Variants in ENTPD5 observed in about 807,000 individuals in gnomAD.
ENTPD5 encodes the protein nucleoside diphosphate phosphatase ENTPD5.
ENTPD5 carries 49 observed loss-of-function variants against 60.2 expected under a neutral mutation model. That is an observed-to-expected ratio of 0.81 (90% CI 0.65 to 1.03). The LOEUF (loss-of-function observed/expected upper bound fraction) is 1.03, where lower values mean the gene tolerates loss of function less well. Ranked by LOEUF, ENTPD5 falls within the 50% of genes least tolerant of loss-of-function variation. The pLI, the probability that ENTPD5 is intolerant of heterozygous loss-of-function variation, is 0.00. For synonymous variants in ENTPD5, 187 were observed against 185.4 expected (o/e 1.01, Z -0.07); for missense variants, 480 against 507.6 (o/e 0.95, Z 0.52).
intron 1 of ENTPD5, among the ~76,000 whole-genome samples, chr14:74,016,449 C>A (rs2059019795): frequency 6.6e-6 from 1 of 152,160 alleles, no homozygotes; most frequent in South Asian, 2.1e-4. Context: ...CCAGCCTAGG[C>A]AACATGGCAA....
intron 2 of ENTPD5, among the ~76,000 whole-genome samples, chr14:74,011,631 T>TTA (rs2058848747): frequency 1.3e-5 from 2 of 152,092 alleles, no homozygotes; most frequent in African/African-American, 2.4e-5. Context: ...ACTCCATCTC[T>TTA]ACAAAATATA....
intron 2 of ENTPD5, among the ~76,000 whole-genome samples, chr14:74,015,580 T>C (rs1315431047): frequency 6.6e-6 from 1 of 152,028 alleles, no homozygotes. Context: ...CTTGAACTCC[T>C]GGGCTTAAGC....
chr14:73,963,054 AC>A, downstream of ENTPD5: 4 of 1,273,440 alleles, frequency 3.1e-6, no homozygotes, highest in South Asian at 4.8e-5. Flanking sequence ...CCTGCCCAGG[AC>A]CCATCATACA....
downstream of ENTPD5, chr14:73,955,595 T>C (rs2056395311): frequency 3.6e-6 from 5 of 1,406,334 alleles, no homozygotes; most frequent in East Asian, 4.6e-5. Flanking sequence ...GTTCTGTGAA[T>C]GTAGGAGGAA....
intron 8 of ENTPD5, 80 bp from the exon 9 acceptor site, chr14:73,976,492 C>T (rs2057451229): frequency 8.9e-7 from 1 of 1,121,476 alleles, no homozygotes; most frequent in Admixed American, 1.8e-5. Context: ...TTATCATACA[C>T]TGAAGGTATT....
chr14:73,996,198 G>A (rs2058338241), intron 3 of ENTPD5: 17 of 985,126 alleles, frequency 1.7e-5, no homozygotes, highest in African/African-American at 5.3e-5. Context: ...TTAATCAAGC[G>A]AGCCTCATGA....
downstream of ENTPD5, chr14:73,962,953 T>TTTTA: frequency 1.9e-6 from 3 of 1,594,562 alleles, no homozygotes; most frequent in Non-Finnish European, 2.6e-6. Context: ...TTTCATTCAC[T>TTTTA]TTTATTTTTT....
intron 2 of ENTPD5, among the ~76,000 whole-genome samples, chr14:74,012,248 G>A (rs1407420327): frequency 2.0e-5 from 3 of 151,778 alleles, no homozygotes; most frequent in African/African-American, 4.8e-5. Flanking sequence ...GGGATTACAC[G>A]TGCCCACCAC....
At chr14:74,006,260 C>T in intron 3 of ENTPD5, among the ~76,000 whole-genome samples, 1 of 150,278 alleles carries the variant, frequency 6.7e-6, no homozygotes, top group East Asian at 1.9e-4. Context: ...GCTGGGATTA[C>T]AGGCATTAGC....
rs1179935278 is a variant in ENTPD5, at chr14:73,986,834, A to C, written c.277T>G (p.Phe93Val). 6.2e-7 allele frequency: 1 copy of C among 1,613,952 alleles called. No individual in the cohort carries two copies. Among genetic ancestry groups the C allele is most frequent in the African/African-American group, 1.3e-5 (1 of 74,928 alleles). Residue 93 changes from phenylalanine to valine, a missense_variant, in exon 5 of 16, where the codon TTT (phenylalanine) becomes GTT (valine). Coordinates refer to ENST00000334696, the MANE Select transcript of ENTPD5 (RefSeq NM_001249.5). ...CTCACCTGCTTAGGTTGATCTACAA[A>C]AGCAGAAAGTCCTGGCTTCACAGAA... ...FDSVKPGLSA[F>V]VDQPKQGAET...
downstream of ENTPD5, chr14:73,958,443 G>A (rs1229661355): frequency 1.5e-5 from 22 of 1,485,140 alleles, no homozygotes; most frequent in Non-Finnish European, 1.8e-5. Flanking sequence ...TGGTCTCATC[G>A]TAAATCCTGT....
intron 6 of ENTPD5, among the ~76,000 whole-genome samples, chr14:73,978,263 G>A (rs999120914): frequency 7.4e-5 from 11 of 148,260 alleles, no homozygotes; most frequent in African/African-American, 2.9e-4. Flanking sequence ...CAGCCAGAAC[G>A]GTGCTTTAAA....
chr14:73,968,685 C>A (rs2057090266), intron 15 of ENTPD5, among the ~76,000 whole-genome samples: 2 of 152,122 alleles, frequency 1.3e-5, no homozygotes, highest in South Asian at 4.2e-4. Context: ...CTCAGCCTCC[C>A]AAAGTGTTAG....
chr14:74,007,197 G>A (rs1374195834), intron 3 of ENTPD5, among the ~76,000 whole-genome samples: 1 of 152,044 alleles, frequency 6.6e-6, no homozygotes, highest in African/African-American at 2.4e-5. Flanking sequence ...GGCCAGCCAA[G>A]CTAACATAGC....
intron 6 of ENTPD5, among the ~76,000 whole-genome samples, chr14:73,982,527 C>T (rs982922510): frequency 1.6e-4 from 24 of 152,088 alleles, no homozygotes; most frequent in African/African-American, 5.1e-4. Flanking sequence ...GAGGCTGAGG[C>T]GGGCAGATCA....
At position 73,975,880 on chromosome 14, in the gene ENTPD5, A is replaced by C; in HGVS notation, c.722+56T>G. On this transcript the variant is annotated intron_variant, in intron 10 of 15. Coordinates refer to ENST00000334696, the MANE Select transcript of ENTPD5 (RefSeq NM_001249.5). ...AATAACAGATTTGAGAATGCTTTGG[A>C]AAGTTAGGAGAATCATACAACATGA... The C allele has an allele frequency of 2.1e-6, 3 of 1,401,282 alleles. No individual in the cohort carries two copies. In the Admixed American group the frequency reaches 5.8e-5, roughly 27 times the overall value. 86.8% of individuals were successfully genotyped at this position (1,401,282 alleles called of 1,614,324 possible).
chr14:73,969,781 C>G (rs902139404), intron 15 of ENTPD5, among the ~76,000 whole-genome samples: 1 of 152,178 alleles, frequency 6.6e-6, no homozygotes, highest in African/African-American at 2.4e-5. Flanking sequence ...GCTAGTCTTT[C>G]TGTTCTGTGA....
At chr14:73,963,227 C>G, downstream of ENTPD5, 2 of 580,402 alleles carry the variant, frequency 3.4e-6, no homozygotes, top group Non-Finnish European at 6.1e-6. Context: ...GGAAGACTTA[C>G]AATTTGGTTG....
chr14:73,961,233 G>GT, downstream of ENTPD5: 1 of 1,614,130 alleles, frequency 6.2e-7, no homozygotes, highest in Non-Finnish European at 8.5e-7. Context: ...GCAGTATGCT[G>GT]TCAGCCTTCT....
Sources: gnomAD v4.1 joint callset for allele counts (sites outside exome capture counted in the v4.1 genomes callset) on GRCh38, gnomAD v4.1.1 for gene constraint, MANE v1.5 for transcripts, NCBI Gene and HGNC (gene_info 2026-07-23, HGNC 2026-07-21) for gene names.